The following PER2 variants were observed in gnomAD, a reference collection of about 807,000 sequenced individuals.
PER2 encodes the protein period circadian regulator 2.
PER2 carries 66 observed loss-of-function variants against 121.0 expected under a neutral mutation model. The observed-to-expected ratio is 0.55, with a 90% CI of 0.45 to 0.67. The LOEUF (loss-of-function observed/expected upper bound fraction) is 0.67, where lower values mean the gene tolerates loss of function less well. PER2 is among the 30% of genes least tolerant of loss of function. The probability of loss-of-function intolerance (pLI) is 0.00; values close to 1 mark genes in which losing one functional copy is unlikely to be tolerated. For synonymous variants in PER2, 684 were observed against 659.9 expected (o/e 1.04, Z -0.56); for missense variants, 1,521 against 1,635.0 (o/e 0.93, Z 1.20).
At chr2:238,294,069 CT>C (rs1697005374), upstream of PER2, among the ~76,000 whole-genome samples, 1 of 152,214 alleles carries the variant, frequency 6.6e-6, no homozygotes, top group Non-Finnish European at 1.5e-5. Context: ...GTGATGCCCC[CT>C]GTCTGAGGTG....
chr2:238,260,112 C>T (rs538357881), intron 13 of PER2, 59 bp from the exon 14 acceptor site: 30 of 757,578 alleles, frequency 4.0e-5, no homozygotes, highest in South Asian at 1.5e-4. Flanking sequence ...TCAGTCTGTC[C>T]GGCAAAGTGA....
At chr2:238,262,449 T>C in intron 10 of PER2, 105 bp from the exon 11 acceptor site, 2 of 1,082,604 alleles carry the variant, frequency 1.8e-6, no homozygotes, top group South Asian at 2.6e-5. Flanking sequence ...ATTTGCAAAC[T>C]GTAGGGGTAT....
chr2:238,277,943 C>T lies in PER2; in HGVS notation c.-7G>A, dbSNP rs1696508372. ...ATTCCGCGTATCCATTCATGCTGGGCTCTGGAACGAAGCTGGCAAACAGAG... is the reference window on the plus strand; with the variant it reads ...ATTCCGCGTATCCATTCATGCTGGGTTCTGGAACGAAGCTGGCAAACAGAG... On this transcript the variant is annotated 5_prime_UTR_variant, in exon 2 of 23. Transcript: ENST00000254657. The T allele has an allele frequency of 2.5e-6, 4 of 1,612,832 alleles. No individual in the cohort carries two copies. Among genetic ancestry groups the T allele is most frequent in the Non-Finnish European group, 2.5e-6 (3 of 1,179,872 alleles).
rs1041561236 is a variant in PER2 at position 238,260,873 on chromosome 2, G to A, written c.1497C>T (p.Ser499=). The A allele has an allele frequency of 1.9e-6, 3 of 1,614,000 alleles. No homozygotes were observed. The highest frequency in any genetic ancestry group is 2.5e-6 in the Non-Finnish European group (3 of 1,180,004). ...CCTCATGGCCGTTGCTGTCGCTGGA[G>A]GAGGTCTGGCTCATAAGGTGCTCGT... ...GSHEHLMSQT[S]SSDSNGHEDS... is the part of the protein sequence containing the mutation. The change falls in exon 13 of 23, where the codon TCC becomes TCT. Residue 499 remains serine, a synonymous_variant. Transcript: ENST00000254657.
At chr2:238,266,085 A>C (rs1226413887) in intron 8 of PER2, among the ~76,000 whole-genome samples, 2 of 151,298 alleles carry the variant, frequency 1.3e-5, no homozygotes, top group African/African-American at 2.4e-5. Flanking sequence ...TTGTATTTTT[A>C]GTTGAGGTGG....
intron 1 of PER2, among the ~76,000 whole-genome samples, chr2:238,281,891 T>C (rs1240304831): frequency 1.3e-5 from 2 of 152,300 alleles, no homozygotes; most frequent in Middle Eastern, 3.4e-3. Flanking sequence ...TGCTCAGAGA[T>C]GTGTGAGCAC....
intron 8 of PER2, 149 bp from the exon 9 acceptor site, chr2:238,265,739 G>A (rs747223751): frequency 6.3e-5 from 40 of 637,498 alleles, no homozygotes; most frequent in Non-Finnish European, 8.3e-5. Flanking sequence ...AACAGAGACT[G>A]CCACACTGAG....
At chr2:238,265,243 G>A (rs1350763430) in intron 9 of PER2, among the ~76,000 whole-genome samples, 2 of 152,190 alleles carry the variant, frequency 1.3e-5, no homozygotes, top group Admixed American at 6.5e-5. Flanking sequence ...CAGCGCCTCT[G>A]TCTGGACCAT....
Position 238,268,721 on chromosome 2 carries a change from T to G in PER2, c.824+202A>C, listed in dbSNP as rs1460541605. On this transcript the variant is annotated intron_variant, in intron 7 of 22. Coordinates refer to ENST00000254657, the MANE Select transcript of PER2 (RefSeq NM_022817.3). The surrounding 1 kb of genome is among the most constrained non-coding windows in gnomAD (Gnocchi z 4.0). ...AAGTGCAGGTCCATGAGGGGCAGGT[T>G]AAAGCACTCCACTGCTGGCCGCATT... Among the ~76,000 whole-genome samples, 1 of 152,192 alleles carries G rather than the reference T, an allele frequency of 6.6e-6. No homozygotes were observed. Among genetic ancestry groups the G allele is most frequent in the African/African-American group, 2.4e-5 (1 of 41,454 alleles).
chr2:238,262,311 G>A lies in PER2; in HGVS notation c.1187C>T (p.Ser396Phe), dbSNP rs753780026. 2 of 1,613,994 alleles carry A rather than the reference G, an allele frequency of 1.2e-6. No homozygotes were observed. Among genetic ancestry groups the A allele is most frequent in the South Asian group, 1.1e-5 (1 of 91,072 alleles). ...GTTCCGGGCGCGAAACCGAATGGGAGAATAGTCGAAAGGCTGCCCGCCTGA... is the reference window on the plus strand; with the variant it reads ...GTTCCGGGCGCGAAACCGAATGGGAAAATAGTCGAAAGGCTGCCCGCCTGA... ...LQSGGQPFDY[S>F]PIRFRARNGE... is the part of the protein sequence containing the mutation. The change falls in exon 11 of 23, where the codon TCT (serine) becomes TTT (phenylalanine). Residue 396 changes from serine (S) to phenylalanine (F), a missense_variant. Physicochemically the swap from Ser to Phe is radical, Grantham distance 155. Coordinates refer to ENST00000254657, the MANE Select transcript of PER2 (RefSeq NM_022817.3).
intron 1 of PER2, among the ~76,000 whole-genome samples, chr2:238,280,263 C>T (rs780740419): frequency 4.6e-5 from 7 of 152,230 alleles, no homozygotes; most frequent in African/African-American, 1.7e-4. Flanking sequence ...GCCCATTCGC[C>T]GGTGAGCCAC....
intron 5 of PER2, 75 bp from the exon 6 acceptor site, chr2:238,271,588 C>A: frequency 8.7e-7 from 1 of 1,150,642 alleles, no homozygotes. Flanking sequence ...GGCAGGCAGG[C>A]TGGAGGGAGC....
In PER2 at chr2:238,253,160, T is replaced by C; in HGVS notation, c.2863A>G (p.Ile955Val). The change falls in exon 19 of 23, where the codon ATC becomes GTC. Residue 955 changes from isoleucine to valine, a missense_variant. Ile to Val is a conservative substitution (Grantham distance 29, BLOSUM62 3). Coordinates refer to ENST00000254657, the MANE Select transcript of PER2 (RefSeq NM_022817.3). The surrounding 1 kb of genome is among the most constrained non-coding windows in gnomAD (Gnocchi z 5.6). Reference sequence around the variant, plus strand: ...GGACAAGCACATGGCTGTCTGGGGATCGAGGTCCGGCTGGGGAACTCAGGC... The same window carrying C: ...GGACAAGCACATGGCTGTCTGGGGACCGAGGTCCGGCTGGGGAACTCAGGC... Reference protein sequence around the residue: ...SQPEFPSRTSIPRQPCACPAT... With the variant: ...SQPEFPSRTSVPRQPCACPAT... 1 of 1,595,452 alleles carries C rather than the reference T, an allele frequency of 6.3e-7. No homozygotes were observed. Among genetic ancestry groups the C allele is most frequent in the Non-Finnish European group, 8.6e-7 (1 of 1,167,590 alleles).
At position 238,261,785 on chromosome 2, in the gene PER2, C is replaced by T; in HGVS notation, c.1360G>A (p.Ala454Thr). Residue 454 changes from alanine to threonine, a missense_variant, in exon 12 of 23, where the codon GCC becomes ACC. By Grantham distance (58) the Ala-to-Thr change is moderately conservative (BLOSUM62 0). Transcript: ENST00000254657. ...AGCTCCTGAATGCTGGGGTGCAGGG[C>T]CTTCTCCTCTGTGCAGGGGTGGGCT... ...FAAHPCTEEKALHPSIQELTE... is the reference protein window; with the variant it reads ...FAAHPCTEEKTLHPSIQELTE... 1.3e-6 allele frequency: 2 copies of T among 1,577,998 alleles called. No individual in the cohort carries two copies. Among genetic ancestry groups the T allele is most frequent in the Non-Finnish European group, 1.7e-6 (2 of 1,160,766 alleles).
At position 238,257,561 on chromosome 2, in the gene PER2, C is replaced by T. The variant is rs751329502; in HGVS notation, c.1901-475G>A. Among the ~76,000 whole-genome samples the T allele has an allele frequency of 5.9e-4, 90 of 152,244 alleles. 2 individuals carry two copies. Among genetic ancestry groups the T allele is most frequent in the Admixed American group, 4.7e-3 (72 of 15,288 alleles). ...CAATCTTGGCTCACTGCAACCTCCG[C>T]CTGCCAGGTACAAGCCATTCTCCTG... is the stretch of plus-strand genomic sequence containing the variant. On this transcript the variant is annotated intron_variant, in intron 16 of 22. Coordinates refer to ENST00000254657, the MANE Select transcript of PER2 (RefSeq NM_022817.3).
chr2:238,293,348 A>G (rs939341299), upstream of PER2, among the ~76,000 whole-genome samples: 1 of 152,204 alleles, frequency 6.6e-6, no homozygotes, highest in Non-Finnish European at 1.5e-5. Flanking sequence ...TGTGTACCCA[A>G]CTGACTTCTC....
At chr2:238,259,713 C>G (rs964465144) in intron 14 of PER2, among the ~76,000 whole-genome samples, 17 of 152,230 alleles carry the variant, frequency 1.1e-4, no homozygotes, top group African/African-American at 3.9e-4. Flanking sequence ...CAGGCCTGCA[C>G]ACCTAGCCAC....
upstream of PER2, chr2:238,289,601 C>G (rs2106337850): frequency 6.6e-6 from 1 of 152,360 alleles, no homozygotes; most frequent in Admixed American, 6.5e-5. Flanking sequence ...TAATCAAATG[C>G]TAAATTGGGC....
At chr2:238,254,443 A>G (rs945974013) in intron 18 of PER2, 1 of 152,796 alleles carries the variant, frequency 6.5e-6, no homozygotes, top group Non-Finnish European at 1.5e-5. Context: ...GTGCCAAGGC[A>G]GTCCCATGCC....
Sources: gnomAD v4.1 joint callset for allele counts (sites outside exome capture counted in the v4.1 genomes callset) on GRCh38, gnomAD v4.1.1 for gene constraint, Gnocchi (gnomAD v3.1) non-coding constraint, MANE v1.5 for transcripts, NCBI Gene and HGNC (gene_info 2026-07-23, HGNC 2026-07-21) for gene names.